CUBN: variants seen among roughly 807,000 people sequenced by gnomAD.
The protein encoded by CUBN is 460 kDa receptor.
Under a neutral mutation model 405.3 loss-of-function variants are expected in CUBN, and 282 were observed. The observed-to-expected ratio is 0.70, with a 90% CI of 0.63 to 0.77. The LOEUF (loss-of-function observed/expected upper bound fraction) is 0.77, where lower values mean the gene tolerates loss of function less well. Ranked by LOEUF, CUBN falls within the 30% of genes least tolerant of loss-of-function variation. CUBN has a pLI of 0.00. For missense variants in CUBN, 4,514 were observed against 4,475.2 expected (o/e 1.01, Z -0.25); for synonymous variants, 1,684 against 1,617.0 (o/e 1.04, Z -0.99).
chr10:16,985,651 G>C (rs1044859904), intron 29 of CUBN, among the ~76,000 whole-genome samples: 3 of 152,222 alleles, frequency 2.0e-5, no homozygotes, highest in Non-Finnish European at 4.4e-5. Context: ...CCGTACTGTG[G>C]GTAGCATCTT....
intron 15 of CUBN, among the ~76,000 whole-genome samples, chr10:17,087,457 ATTATTTTTC>A (rs1588633727): frequency 1.4e-5 from 1 of 69,438 alleles, no homozygotes; most frequent in East Asian, 4.3e-4. Context: ...CACAATCACT[ATTATTTTTC>A]TTTTTCTTTT....
chr10:16,841,156 G>T, intron 60 of CUBN, 109 bp from the exon 61 acceptor site: 1 of 864,670 alleles, frequency 1.2e-6, no homozygotes, highest in Non-Finnish European at 1.9e-6. Flanking sequence ...TTTTTACATT[G>T]ATTTTCTTAG....
At chr10:16,868,606 A>G (rs1007801631) in intron 59 of CUBN, among the ~76,000 whole-genome samples, 1 of 152,220 alleles carries the variant, frequency 6.6e-6, no homozygotes, top group African/African-American at 2.4e-5. Context: ...CCAAACAGGT[A>G]ATTGATTAAC....
intron 2 of CUBN, among the ~76,000 whole-genome samples, chr10:17,128,562 A>C (rs891961795): frequency 2.0e-5 from 3 of 152,170 alleles, no homozygotes; most frequent in Non-Finnish European, 2.9e-5. Context: ...ACTTCCTCGC[A>C]TCCCCTGTGG....
rs375920680 is a variant in CUBN, at chr10:16,982,540, G to A, written c.4639C>T (p.Arg1547Cys). ...SWVIRVDRNH[R>C]VLLNFTDFDL... ...AAGTCAGTGAAGTTCAAGAGAACAC[G>A]ATGATTTCTGTCAACCCGAATGACC... The change falls in exon 31 of 67, where the codon CGT (arginine) becomes TGT (cysteine). Residue 1547 changes from arginine (R) to cysteine (C), a missense_variant. Transcript: ENST00000377833. 48 of 1,613,648 alleles carry A rather than the reference G, an allele frequency of 3.0e-5. No homozygotes were observed. In the African/African-American group the frequency reaches 3.6e-4, roughly 12 times the overall value.
At chr10:16,980,648 G>A (rs1335796424) in intron 31 of CUBN, among the ~76,000 whole-genome samples, 2 of 151,996 alleles carry the variant, frequency 1.3e-5, no homozygotes, top group African/African-American at 4.8e-5. Flanking sequence ...CAATGAGAAC[G>A]CATGGACACA....
At chr10:16,933,434 C>G in intron 39 of CUBN, 150 bp from the exon 40 acceptor site, 1 of 706,416 alleles carries the variant, frequency 1.4e-6, no homozygotes, top group Non-Finnish European at 2.4e-6. Flanking sequence ...CGTATGTAAC[C>G]CACTGATTCG....
chr10:17,018,082 G>A (rs188598208), intron 28 of CUBN, among the ~76,000 whole-genome samples: 134 of 152,206 alleles, frequency 8.8e-4, no homozygotes, highest in Middle Eastern at 3.4e-3. Flanking sequence ...GCCAACCAAC[G>A]CTCCCAACTC....
At position 16,841,038 on chromosome 10, in the gene CUBN, C is replaced by A. The variant is rs1189165006; in HGVS notation, c.9673G>T (p.Gly3225Trp). ...GCCAAGTTCGCATTTTCACTATCCC[C>A]ATCATATAACTGAGAAGAAAAACAA... ...CLYDYVKLYD[G>W]DSENANLAGT... is the part of the protein sequence containing the mutation. The change falls in exon 61 of 67, where the codon GGG (glycine) becomes TGG (tryptophan). Residue 3225 changes from glycine (G) to tryptophan (W), a missense_variant. Gly to Trp is a radical substitution (Grantham distance 184). This residue lies in a region of CUBN where 1,186 missense variants were observed against 1,186.9 expected (regional missense o/e 1.00). Coordinates refer to ENST00000377833, the MANE Select transcript of CUBN (RefSeq NM_001081.4). The A allele has an allele frequency of 6.2e-7, 1 of 1,613,970 alleles. No individual in the cohort carries two copies. The highest frequency in any genetic ancestry group is 1.7e-5 in the Admixed American group (1 of 60,016).
intron 2 of CUBN, 80 bp from the exon 3 acceptor site, chr10:17,128,004 CTT>C (rs1837239682): frequency 9.9e-7 from 1 of 1,006,106 alleles, no homozygotes; most frequent in Non-Finnish European, 1.5e-6. Context: ...TAATTAAAAA[CTT>C]GAGTAGTATT....
At chr10:16,943,773 A>C (rs988213541) in intron 36 of CUBN, among the ~76,000 whole-genome samples, 1 of 152,228 alleles carries the variant, frequency 6.6e-6, no homozygotes. Context: ...CTAGATGATC[A>C]ACATGCACAT....
At chr10:16,830,775 A>T (rs1275288811) in intron 65 of CUBN, among the ~76,000 whole-genome samples, 3 of 152,176 alleles carry the variant, frequency 2.0e-5, no homozygotes, top group African/African-American at 7.2e-5. Context: ...TTCTTTTATA[A>T]ACAGAAATAA....
At position 17,085,540 on chromosome 10, in the gene CUBN, T is replaced by G. The variant is rs993169321; in HGVS notation, c.2110+57A>C. ...ATCACATTAAAATATAAAACAGATG[T>G]AAGCATAGCATTGGCCTTCAAATCC... is the stretch of plus-strand genomic sequence containing the variant. On this transcript the variant is annotated intron_variant, in intron 16 of 66. Transcript: ENST00000377833. 10 of 1,482,644 alleles carry G rather than the reference T, an allele frequency of 6.7e-6. No individual in the cohort carries two copies. In the African/African-American group the frequency reaches 1.4e-4, roughly 21 times the overall value. 91.8% of individuals were successfully genotyped at this position (1,482,644 alleles called of 1,614,324 possible). A position where few individuals can be genotyped will look rare whatever the true frequency, so the allele number is the denominator to read the frequency against.
chr10:16,997,453 A>T (rs1045309481), intron 28 of CUBN, among the ~76,000 whole-genome samples: 3 of 146,418 alleles, frequency 2.0e-5, no homozygotes, highest in Non-Finnish European at 4.5e-5. Context: ...AAAAAAAGGC[A>T]GCTTGTGGAG....
Position 16,907,603 on chromosome 10 carries a change from T to G in CUBN, c.7610A>C (p.Lys2537Thr). Residue 2537 changes from lysine to threonine, a missense_variant, in exon 49 of 67, where the codon AAA becomes ACA. By Grantham distance (78) the Lys-to-Thr change is moderately conservative. Transcript: ENST00000377833. ...CSSVNVSNEI[K>T]SSGNTMKVIF... ...GACTTTCATTGTGTTTCCTGAAGAT[T>G]TAATCTCATTGCTTACATTCACACT... 1 of 1,613,450 alleles carries G rather than the reference T, an allele frequency of 6.2e-7. No individual in the cohort carries two copies. The highest frequency in any genetic ancestry group is 8.5e-7 in the Non-Finnish European group (1 of 1,180,020).
Position 16,849,968 on chromosome 10 carries a change from T to A in CUBN, c.9663+1267A>T, listed in dbSNP as rs540312292. Reference sequence around the variant, plus strand: ...TCTCGGTATTTCTCTATGTAGGCCATCTTATTTCTTGCTACTCTTTAGCAC... The same window carrying A: ...TCTCGGTATTTCTCTATGTAGGCCAACTTATTTCTTGCTACTCTTTAGCAC... On this transcript the variant is annotated intron_variant, in intron 60 of 66. Coordinates refer to ENST00000377833, the MANE Select transcript of CUBN (RefSeq NM_001081.4). 1.4e-4 allele frequency among the ~76,000 whole-genome samples: 22 copies of A among 152,358 alleles called. No homozygotes were observed. In the South Asian group the frequency reaches 4.6e-3, roughly 32 times the overall value.
intron 28 of CUBN, among the ~76,000 whole-genome samples, chr10:17,001,706 A>G (rs561547464): frequency 2.0e-5 from 3 of 152,344 alleles, no homozygotes; most frequent in South Asian, 2.1e-4. Flanking sequence ...TCATATTTTC[A>G]TTCACTCTTT....
At position 16,939,038 on chromosome 10, in the gene CUBN, T is replaced by C. The variant is rs745654817; in HGVS notation, c.5658A>G (p.Ala1886=). The part of the protein sequence containing the change: ...SNYQWTVNVN[A]SHVVHGRILE... ...AGATTCTACCATGGACAACGTGAGA[T>C]GCATTCACATTTACTGTCCATTGGT... The change falls in exon 38 of 67, where the codon GCA becomes GCG. Residue 1886 remains alanine (A), a synonymous_variant. Transcript: ENST00000377833. The C allele has an allele frequency of 1.2e-6, 2 of 1,613,666 alleles. No homozygotes were observed. The highest frequency in any genetic ancestry group is 1.3e-5 in the African/African-American group (1 of 74,922).
chr10:16,876,730 G>GA lies in CUBN; in HGVS notation c.9106+166dup, dbSNP rs574168218. 3.4e-4 allele frequency among the ~76,000 whole-genome samples: 52 copies of GA among 152,198 alleles called. No homozygotes were observed. In the East Asian group the frequency reaches 9.7e-3, roughly 28 times the overall value. ...CTGAAAAAGGTCCTCTTCTTTTTAA[G>GA]AAAAAATGTGTATATGTATTTTTTA... On this transcript the variant is annotated intron_variant, in intron 57 of 66. Coordinates refer to ENST00000377833, the MANE Select transcript of CUBN (RefSeq NM_001081.4).
Sources: gnomAD v4.1 joint callset for allele counts (sites outside exome capture counted in the v4.1 genomes callset) on GRCh38, gnomAD v4.1.1 for gene constraint, gnomAD v4.1.1 regional missense constraint, MANE v1.5 for transcripts, NCBI Gene and HGNC (gene_info 2026-07-23, HGNC 2026-07-21) for gene names.